CDH13: variants seen among roughly 807,000 people sequenced by gnomAD.
The protein encoded by CDH13 is cadherin 13.
A neutral mutation model predicts 63.8 loss-of-function variants in CDH13; 24 were observed. The observed-to-expected ratio is 0.38, with a 90% CI of 0.27 to 0.53. The LOEUF (loss-of-function observed/expected upper bound fraction) is 0.53. Ranked by LOEUF, CDH13 falls within the 20% of genes least tolerant of loss-of-function variation. CDH13 has a pLI of 0.85. For missense variants in CDH13, 1,049 were observed against 903.1 expected (o/e 1.16, Z -2.07); for synonymous variants, 503 against 355.3 (o/e 1.42, Z -4.67).
intron 1 of CDH13, among the ~76,000 whole-genome samples, chr16:82,696,217 C>T (rs1005818148): frequency 4.6e-5 from 7 of 152,120 alleles, no homozygotes; most frequent in African/African-American, 2.4e-5. Context: ...TTGCATAATT[C>T]TATTGTGTTG....
intron 7 of CDH13, among the ~76,000 whole-genome samples, chr16:83,512,885 T>C (rs567406453): frequency 1.2e-4 from 19 of 152,114 alleles, no homozygotes; most frequent in Admixed American, 1.0e-3. Context: ...ATAACCTGTG[T>C]TTTCAACAAA....
chr16:83,459,805 A>T (rs1344303300), intron 6 of CDH13, among the ~76,000 whole-genome samples: 1 of 152,246 alleles, frequency 6.6e-6, no homozygotes, highest in African/African-American at 2.4e-5. Flanking sequence ...ACGTCCCCTG[A>T]GTACCACAAA....
At chr16:83,257,229 T>C (rs1427317661) in intron 5 of CDH13, among the ~76,000 whole-genome samples, 7 of 151,960 alleles carry the variant, frequency 4.6e-5, no homozygotes, top group Admixed American at 4.6e-4. Flanking sequence ...AGAGACAGAA[T>C]ATACACAGGC....
chr16:82,631,956 A>G (rs1234693690), intron 1 of CDH13, among the ~76,000 whole-genome samples: 1 of 152,184 alleles, frequency 6.6e-6, no homozygotes, highest in African/African-American at 2.4e-5. Flanking sequence ...GAGGTTGCCA[A>G]GTAGCAGCCA....
chr16:83,701,037 G>C (rs1309205367), intron 10 of CDH13, among the ~76,000 whole-genome samples: 3 of 152,196 alleles, frequency 2.0e-5, no homozygotes, highest in African/African-American at 7.2e-5. Context: ...GTATGGCCCT[G>C]AGCTGGGGGA....
intron 3 of CDH13, among the ~76,000 whole-genome samples, chr16:83,079,775 A>C (rs1436235527): frequency 6.6e-6 from 1 of 152,236 alleles, no homozygotes; most frequent in Non-Finnish European, 1.5e-5. Flanking sequence ...TGTTTTTGAG[A>C]ACATGATTTT....
intron 5 of CDH13, among the ~76,000 whole-genome samples, chr16:83,334,166 G>C (rs527529681): frequency 2.0e-5 from 3 of 151,964 alleles, no homozygotes; most frequent in Admixed American, 6.6e-5. Context: ...TCTGACCTTC[G>C]CTTCTTCCTC....
intron 4 of CDH13, among the ~76,000 whole-genome samples, chr16:83,191,530 C>CATATATATATATATATATAT (rs71376303): frequency 1.1e-4 from 8 of 74,370 alleles, no homozygotes; most frequent in East Asian, 4.9e-4. Flanking sequence ...CACACACACA[C>CATATATATATATATATATAT]ATATATATAT....
chr16:83,223,221 G>A lies in CDH13; in HGVS notation c.636+5724G>A, dbSNP rs74497731. ...CAAGGTCAAGACACCAGTAGGTTTG[G>A]TGTCTTGTAAGGCCATTCTCTTCTT... On this transcript the variant is annotated intron_variant, in intron 5 of 13. Coordinates refer to ENST00000567109, the MANE Select transcript of CDH13 (RefSeq NM_001257.5). Among the ~76,000 whole-genome samples, 1,061 of 152,324 alleles carry A rather than the reference G, an allele frequency of 7.0e-3. 15 individuals are homozygous for A. The highest frequency in any genetic ancestry group is 0.024 in the African/African-American group (995 of 41,574).
intron 10 of CDH13, among the ~76,000 whole-genome samples, chr16:83,724,118 A>AGTGATGAATGCATGGGTGG (rs1247993188): frequency 7.1e-6 from 1 of 141,192 alleles, no homozygotes; most frequent in Non-Finnish European, 1.5e-5. Flanking sequence ...TGTATGGGTG[A>AGTGATGAATGCATGGGTGG]GTGATGAATG....
intron 8 of CDH13, among the ~76,000 whole-genome samples, chr16:83,658,641 C>T (rs1251932786): frequency 1.3e-5 from 2 of 151,254 alleles, no homozygotes. Flanking sequence ...GTCTCATGTC[C>T]TCACCACCAG....
intron 1 of CDH13, among the ~76,000 whole-genome samples, chr16:82,844,230 C>G (rs1472024925): frequency 1.3e-5 from 2 of 152,124 alleles, no homozygotes; most frequent in African/African-American, 2.4e-5. Flanking sequence ...AGAGGCCATG[C>G]TGCTGGCTTG....
chr16:83,784,855 T>A (rs1915773573), intron 13 of CDH13, among the ~76,000 whole-genome samples: 1 of 152,098 alleles, frequency 6.6e-6, no homozygotes, highest in South Asian at 2.1e-4. Flanking sequence ...GTCCAACACT[T>A]TCCATCCATC....
At chr16:82,814,031 T>C (rs971032428) in intron 1 of CDH13, among the ~76,000 whole-genome samples, 1 of 152,158 alleles carries the variant, frequency 6.6e-6, no homozygotes, top group Non-Finnish European at 1.5e-5. Context: ...CTGTGGAGTC[T>C]AACTGCACAA....
chr16:83,389,755 G>C (rs979056285), intron 6 of CDH13, among the ~76,000 whole-genome samples: 2 of 152,184 alleles, frequency 1.3e-5, no homozygotes, highest in Admixed American at 1.3e-4. Context: ...AGAGTTTGGG[G>C]CCTGGGAATC....
At chr16:83,417,368 G>C (rs2071580842) in intron 6 of CDH13, among the ~76,000 whole-genome samples, 2 of 152,084 alleles carry the variant, frequency 1.3e-5, no homozygotes, top group Admixed American at 1.3e-4. Context: ...ATTAGCAAAT[G>C]CTGCACCCAG....
intron 7 of CDH13, among the ~76,000 whole-genome samples, chr16:83,571,127 G>C (rs1360498225): frequency 6.6e-6 from 1 of 151,546 alleles, no homozygotes; most frequent in East Asian, 1.9e-4. Flanking sequence ...CATCATAAAA[G>C]TCCTTTTCAC....
chr16:83,651,850 C>G (rs1002928791), intron 8 of CDH13, among the ~76,000 whole-genome samples: 1 of 152,138 alleles, frequency 6.6e-6, no homozygotes, highest in Admixed American at 6.5e-5. Context: ...CTGCTTCAGC[C>G]TCCCAAAGTG....
At chr16:83,072,128 G>A (rs11864443) in intron 3 of CDH13, among the ~76,000 whole-genome samples, 6 of 152,042 alleles carry the variant, frequency 3.9e-5, no homozygotes, top group African/African-American at 7.2e-5. Context: ...CCATCTTTTT[G>A]GTACTTAGTT....
Sources: gnomAD v4.1 joint callset for allele counts (sites outside exome capture counted in the v4.1 genomes callset) on GRCh38, gnomAD v4.1.1 for gene constraint, MANE v1.5 for transcripts, NCBI Gene and HGNC (gene_info 2026-07-23, HGNC 2026-07-21) for gene names.